Variants in ADCY1 observed in about 807,000 individuals in gnomAD.
The protein encoded by ADCY1 is adenylate cyclase 1.
ADCY1 carries 28 observed loss-of-function variants against 105.4 expected under a neutral mutation model. The observed-to-expected ratio is 0.27, with a 90% CI of 0.20 to 0.36. The LOEUF (loss-of-function observed/expected upper bound fraction) is 0.36. Ranked by LOEUF, ADCY1 falls within the 10% of genes least tolerant of loss-of-function variation. ADCY1 has a pLI of 1.00. For missense variants in ADCY1, 977 were observed against 1,434.2 expected (o/e 0.68, Z 5.15); for synonymous variants, 655 against 623.8 (o/e 1.05, Z -0.75).
chr7:45,659,915 A>G, intron 6 of ADCY1, 127 bp from the exon 7 acceptor site: 1 of 1,176,194 alleles, frequency 8.5e-7, no homozygotes, highest in Non-Finnish European at 1.2e-6. Flanking sequence ...GAGCATGAAT[A>G]CTCCCCGTGG....
intron 14 of ADCY1, among the ~76,000 whole-genome samples, chr7:45,697,367 T>G (rs1312756343): frequency 6.6e-6 from 1 of 150,440 alleles, no homozygotes; most frequent in African/African-American, 2.4e-5. Flanking sequence ...GCTTCACTGT[T>G]AGCACGAGCT....
intron 14 of ADCY1, among the ~76,000 whole-genome samples, chr7:45,691,859 C>T (rs1784791727): frequency 6.6e-6 from 1 of 152,220 alleles, no homozygotes; most frequent in Non-Finnish European, 1.5e-5. Context: ...CCACCTCTTA[C>T]TCTGGTCACT....
At chr7:45,579,967 C>T (rs1459823579) in intron 1 of ADCY1, among the ~76,000 whole-genome samples, 1 of 151,020 alleles carries the variant, frequency 6.6e-6, no homozygotes, top group Non-Finnish European at 1.5e-5. Context: ...CCCTTCCCCC[C>T]TCGCCCCCAT....
At chr7:45,625,735 C>T (rs1268629839) in intron 4 of ADCY1, among the ~76,000 whole-genome samples, 1 of 152,144 alleles carries the variant, frequency 6.6e-6, no homozygotes, top group Non-Finnish European at 1.5e-5. Context: ...TTGTGTGTCC[C>T]CTGTGGGTCA....
At chr7:45,693,550 G>A (rs1216864107) in intron 14 of ADCY1, among the ~76,000 whole-genome samples, 1 of 149,716 alleles carries the variant, frequency 6.7e-6, no homozygotes, top group Non-Finnish European at 1.5e-5. Flanking sequence ...ACTTCTTCCT[G>A]GTTTAGTCTT....
Position 45,720,882 on chromosome 7 carries a change from GTAT to G in ADCY1, c.*6894_*6896del, listed in dbSNP as rs1016134228. The G allele has an allele frequency of 1.3e-5, 2 of 152,148 alleles. No homozygotes were observed. Among genetic ancestry groups the G allele is most frequent in the Non-Finnish European group, 2.9e-5 (2 of 68,054 alleles). The allele number at this position is 152,148 out of a possible 1,614,324, so 9.4% of individuals were successfully genotyped here. A position where few individuals can be genotyped will look rare whatever the true frequency, so the allele number is the denominator to read the frequency against. The stretch of plus-strand genomic sequence containing the variant: ...TACTTCAAACAGCCCATGGAGGGAG[GTAT>G]TATTATACTCCTTATGTTGACAGTG... On this transcript the variant is annotated 3_prime_UTR_variant, in exon 20 of 20. Coordinates refer to ENST00000297323, the MANE Select transcript of ADCY1 (RefSeq NM_021116.4).
chr7:45,658,297 C>G (rs1204868442), intron 6 of ADCY1, among the ~76,000 whole-genome samples: 1 of 152,226 alleles, frequency 6.6e-6, no homozygotes, highest in Non-Finnish European at 1.5e-5. Flanking sequence ...TCTCCACCCC[C>G]AAGCTCCACA....
At position 45,615,067 on chromosome 7, in the gene ADCY1, A is replaced by G. The variant is rs894479978; in HGVS notation, c.908+4570A>G. Among the ~76,000 whole-genome samples the G allele has an allele frequency of 2.6e-5, 4 of 152,224 alleles. No individual in the cohort carries two copies. In the South Asian group the frequency reaches 6.2e-4, roughly 24 times the overall value. ...GCGGACATTACAAAACTCAAAAAGC[A>G]GAATACACATTCTTCTCAAGTGCAC... On this transcript the variant is annotated intron_variant, in intron 3 of 19. Transcript: ENST00000297323.
chr7:45,704,768 G>A, intron 17 of ADCY1, 152 bp downstream of exon 17: 3 of 638,344 alleles, frequency 4.7e-6, no homozygotes, highest in South Asian at 1.9e-5. Context: ...TCCGTGGCTG[G>A]CTCTCTCCAG....
chr7:45,705,567 C>G (rs554654785), intron 17 of ADCY1, among the ~76,000 whole-genome samples: 2 of 152,258 alleles, frequency 1.3e-5, no homozygotes, highest in Non-Finnish European at 2.9e-5. Flanking sequence ...CAATAGAAGA[C>G]AACACCTCAG....
At chr7:45,589,225 GA>G in intron 1 of ADCY1, among the ~76,000 whole-genome samples, 1 of 152,294 alleles carries the variant, frequency 6.6e-6, no homozygotes, top group South Asian at 2.1e-4. Context: ...CATACTGGGA[GA>G]CCAGCAGCCT....
chr7:45,713,132 GC>G (rs1785295502), intron 19 of ADCY1, among the ~76,000 whole-genome samples: 1 of 152,136 alleles, frequency 6.6e-6, no homozygotes. Flanking sequence ...GGTACCTTCT[GC>G]CCCCTACATT....
intron 3 of ADCY1, among the ~76,000 whole-genome samples, chr7:45,610,937 TG>T (rs1793560691): frequency 7.1e-6 from 1 of 140,280 alleles, no homozygotes; most frequent in Non-Finnish European, 1.5e-5. Flanking sequence ...ATTTTGGAGG[TG>T]AGGAGGTGAT....
chr7:45,713,727 G>A lies in ADCY1; in HGVS notation c.3092G>A (p.Cys1031Tyr), dbSNP rs767127332. The change falls in exon 20 of 20, where the codon TGC becomes TAC. Residue 1031 changes from cysteine to tyrosine, a missense_variant. By Grantham distance (194) the Cys-to-Tyr change is radical. Coordinates refer to ENST00000297323, the MANE Select transcript of ADCY1 (RefSeq NM_021116.4). Reference protein sequence around the residue: ...TEEVHRLLRRCPYHFVCRGKV... With the variant: ...TEEVHRLLRRYPYHFVCRGKV... ...GAAGTCCACCGGCTGCTGAGAAGGT[G>A]CCCCTACCACTTTGTGTGCCGAGGC... is the stretch of plus-strand genomic sequence containing the variant. 1.3e-6 allele frequency: 1 copy of A among 780,672 alleles called. No homozygotes were observed. Among genetic ancestry groups the A allele is most frequent in the Non-Finnish European group, 2.4e-6 (1 of 418,122 alleles). 48.4% of individuals were successfully genotyped at this position (780,672 alleles called of 1,614,324 possible).
rs532482822 is a variant in ADCY1, at chr7:45,694,434, T to C, written c.2454+7761T>C. Among the ~76,000 whole-genome samples the C allele has an allele frequency of 6.6e-5, 10 of 152,224 alleles. No homozygotes were observed. In the South Asian group the frequency reaches 2.1e-3, roughly 32 times the overall value. ...AATATGAACCAAATGAAACTACATA[T>C]GAGATCAACATTTGTGGGGTTCAGC... On this transcript the variant is annotated intron_variant, in intron 14 of 19. Coordinates refer to ENST00000297323, the MANE Select transcript of ADCY1 (RefSeq NM_021116.4).
At chr7:45,660,662 GCTCAGGTGAGGGTGCAGGA>G (rs1795071367) in intron 7 of ADCY1, among the ~76,000 whole-genome samples, 1 of 152,210 alleles carries the variant, frequency 6.6e-6, no homozygotes, top group South Asian at 2.1e-4. Flanking sequence ...GAGGGGTCAG[GCTCAGGTGAGGGTGCAGGA>G]CTCAGGTGAG....
intron 2 of ADCY1, among the ~76,000 whole-genome samples, chr7:45,606,084 G>T (rs1022305943): frequency 2.6e-5 from 4 of 152,198 alleles, no homozygotes; most frequent in Admixed American, 6.5e-5. Flanking sequence ...CCTTCTTACT[G>T]CTGGGCAGGA....
intron 1 of ADCY1, among the ~76,000 whole-genome samples, chr7:45,588,865 G>A (rs923084471): frequency 1.4e-4 from 19 of 134,212 alleles, no homozygotes; most frequent in African/African-American, 4.5e-4. Flanking sequence ...CCATCATTGC[G>A]TGTATGTGTG....
Position 45,677,875 on chromosome 7 carries a change from G to A in ADCY1, c.1612G>A (p.Ala538Thr). 2 of 1,613,724 alleles carry A rather than the reference G, an allele frequency of 1.2e-6. No homozygotes were observed. The highest frequency in any genetic ancestry group is 1.7e-6 in the Non-Finnish European group (2 of 1,179,896). Residue 538 changes from alanine to threonine, a missense_variant, in exon 9 of 20, where the codon GCA (alanine) becomes ACA (threonine). By Grantham distance (58) the Ala-to-Thr change is moderately conservative. Transcript: ENST00000297323. The part of the protein sequence containing the change: ...MTCEDDDKRR[A>T]LRTASEKLRN... Reference sequence around the variant, plus strand: ...ATTTCCATGATGGCTCCAGCGGAGGGCATTAAGAACAGCCTCGGAAAAACT... The same window carrying A: ...ATTTCCATGATGGCTCCAGCGGAGGACATTAAGAACAGCCTCGGAAAAACT...
Sources: gnomAD v4.1 joint callset for allele counts (sites outside exome capture counted in the v4.1 genomes callset) on GRCh38, gnomAD v4.1.1 for gene constraint, MANE v1.5 for transcripts, NCBI Gene and HGNC (gene_info 2026-07-23, HGNC 2026-07-21) for gene names.